Variants in SMOC2 observed in about 807,000 individuals in gnomAD.
SMOC2 encodes the protein SPARC related modular calcium binding 2.
Under a neutral mutation model 61.4 loss-of-function variants are expected in SMOC2, and 39 were observed. That is an observed-to-expected ratio of 0.64 (90% CI 0.49 to 0.83). The LOEUF (loss-of-function observed/expected upper bound fraction) is 0.83, where lower values mean the gene tolerates loss of function less well. Among genes scored for constraint, SMOC2 ranks in the 40% least tolerant of loss-of-function variants. The pLI, the probability that SMOC2 is intolerant of heterozygous loss-of-function variation, is 0.00. For synonymous variants in SMOC2, 247 were observed against 239.9 expected, an observed-to-expected ratio of 1.03 and a Z score of -0.27; for missense variants, 556 against 592.9, an observed-to-expected ratio of 0.94 and a Z score of 0.65.
chr6:168,453,753 C>G lies in SMOC2; in HGVS notation c.84+12299C>G, dbSNP rs182483615. On this transcript the variant is annotated intron_variant, in intron 1 of 12. Transcript: ENST00000356284. The surrounding 1 kb of genome is among the most constrained non-coding windows in gnomAD (Gnocchi z 4.4). ...TCTCTGTCTATCTCTGTCTCTCTGT[C>G]TCCCTCTTTCTCTGTCTCTCTGATT... Among the ~76,000 whole-genome samples the G allele has an allele frequency of 3.1e-3, 472 of 152,012 alleles. No homozygotes were observed. Among genetic ancestry groups the G allele is most frequent in the Non-Finnish European group, 5.0e-3 (341 of 67,992 alleles).
At chr6:168,464,257 A>C (rs1186264746) in intron 1 of SMOC2, among the ~76,000 whole-genome samples, 1 of 151,462 alleles carries the variant, frequency 6.6e-6, no homozygotes, top group Non-Finnish European at 1.5e-5. Context: ...AAAGGAAGGA[A>C]GGACGGACGG....
intron 8 of SMOC2, among the ~76,000 whole-genome samples, chr6:168,604,288 T>C (rs1009488813): frequency 6.6e-6 from 1 of 152,220 alleles, no homozygotes; most frequent in African/African-American, 2.4e-5. Context: ...CATGGATCAT[T>C]GGTCAGAATT....
At chr6:168,627,579 A>G (rs1001250432) in intron 9 of SMOC2, among the ~76,000 whole-genome samples, 9 of 152,228 alleles carry the variant, frequency 5.9e-5, no homozygotes, top group Non-Finnish European at 1.3e-4. Flanking sequence ...TTCAAACAAG[A>G]AATCAATTAT....
At chr6:168,566,364 G>A (rs118082134) in intron 7 of SMOC2, among the ~76,000 whole-genome samples, 2,667 of 151,768 alleles carry the variant, frequency 0.018, 39 homozygotes, top group Non-Finnish European at 0.026. Context: ...CTTGCAATAG[G>A]TTGTCTTTAA....
chr6:168,625,982 C>T (rs1786399341), intron 9 of SMOC2, among the ~76,000 whole-genome samples: 2 of 152,174 alleles, frequency 1.3e-5, no homozygotes, highest in Non-Finnish European at 2.9e-5. Flanking sequence ...ACCTGGCTCC[C>T]CTATTCTGCA....
intron 1 of SMOC2, among the ~76,000 whole-genome samples, chr6:168,472,518 T>A (rs887497775): frequency 5.9e-5 from 9 of 152,150 alleles, no homozygotes; most frequent in Non-Finnish European, 7.4e-5. Context: ...AGACATTTTT[T>A]AAAAAGTATT....
intron 9 of SMOC2, among the ~76,000 whole-genome samples, chr6:168,635,104 C>T (rs895684644): frequency 2.6e-5 from 4 of 152,194 alleles, no homozygotes; most frequent in African/African-American, 7.2e-5. Flanking sequence ...TCTCACGCCT[C>T]GTGAGCACTT....
rs900707676 is a variant in SMOC2 at position 168,475,706 on chromosome 6, T to C, written c.85-34209T>C. 1.3e-5 allele frequency among the ~76,000 whole-genome samples: 2 copies of C among 151,990 alleles called. No homozygotes were observed. Among genetic ancestry groups the C allele is most frequent in the Admixed American group, 6.6e-5 (1 of 15,256 alleles). On this transcript the variant is annotated intron_variant, in intron 1 of 12. Coordinates refer to ENST00000356284, the MANE Select transcript of SMOC2 (RefSeq NM_001166412.2). The surrounding 1 kb of genome is among the most constrained non-coding windows in gnomAD (Gnocchi z 4.6). ...CAGGGAGGCCACGTGTGAGACCTGG[T>C]GTGGGTCGAGGACACTGCTCGGCGT...
intron 9 of SMOC2, among the ~76,000 whole-genome samples, chr6:168,625,357 A>T (rs1275748794): frequency 6.6e-6 from 1 of 152,174 alleles, no homozygotes; most frequent in Non-Finnish European, 1.5e-5. Flanking sequence ...CGATGTGGGA[A>T]CGCTGGAGCA....
At chr6:168,546,108 T>A (rs142960135) in intron 5 of SMOC2, among the ~76,000 whole-genome samples, 1 of 152,158 alleles carries the variant, frequency 6.6e-6, no homozygotes, top group Non-Finnish European at 1.5e-5. Context: ...AAAAGTCTTA[T>A]AAGAAACTTT....
intron 9 of SMOC2, among the ~76,000 whole-genome samples, chr6:168,615,341 G>T (rs1429992110): frequency 2.3e-5 from 1 of 43,230 alleles, no homozygotes. Flanking sequence ...AGCCAGCACA[G>T]GGCCTCTTCA....
chr6:168,521,271 C>T (rs1388517149), intron 2 of SMOC2, among the ~76,000 whole-genome samples: 1 of 152,098 alleles, frequency 6.6e-6, no homozygotes, highest in Non-Finnish European at 1.5e-5. Context: ...GCCTCAGCCT[C>T]CTGAGTAGCT....
intron 4 of SMOC2, among the ~76,000 whole-genome samples, chr6:168,541,634 G>A (rs73258966): frequency 0.031 from 4,677 of 152,150 alleles, 216 homozygotes; most frequent in African/African-American, 0.1. Context: ...ATCCCAAGGT[G>A]GTTAAAAGGT....
rs537411924 is a variant in SMOC2 at position 168,622,188 on chromosome 6, G to A, written c.907+13949G>A. Among the ~76,000 whole-genome samples, 8 of 152,088 alleles carry A rather than the reference G, an allele frequency of 5.3e-5. No homozygotes were observed. In the South Asian group the frequency reaches 1.2e-3, roughly 24 times the overall value. On this transcript the variant is annotated intron_variant, in intron 9 of 12. Coordinates refer to ENST00000356284, the MANE Select transcript of SMOC2 (RefSeq NM_001166412.2). ...TCACCGTGTTAGCCAGGATGGTCTC[G>A]ATCTCCTGACCTCCTGATCCACCCG...
chr6:168,540,175 G>T (rs1267105496), intron 4 of SMOC2, among the ~76,000 whole-genome samples: 1 of 152,228 alleles, frequency 6.6e-6, no homozygotes, highest in Non-Finnish European at 1.5e-5. Context: ...GTCGTTTCCT[G>T]TGGACACGTG....
chr6:168,500,653 G>A (rs1391817689), intron 1 of SMOC2, among the ~76,000 whole-genome samples: 1 of 152,174 alleles, frequency 6.6e-6, no homozygotes, highest in African/African-American at 2.4e-5. Flanking sequence ...CTGCAGCTCT[G>A]GCCAGACACT....
At chr6:168,559,475 A>AAAAATAAAAAT (rs1554240104) in intron 7 of SMOC2, among the ~76,000 whole-genome samples, 23 of 150,128 alleles carry the variant, frequency 1.5e-4, no homozygotes, top group African/African-American at 4.4e-4. Context: ...AAATAAAAAT[A>AAAAATAAAAAT]AAAATAAAAT....
chr6:168,465,767 G>T (rs1228896042), intron 1 of SMOC2, among the ~76,000 whole-genome samples: 1 of 142,488 alleles, frequency 7.0e-6, no homozygotes, highest in Non-Finnish European at 1.5e-5. Flanking sequence ...ATGAAGCGAG[G>T]TGCTGCTCTG....
chr6:168,470,969 A>T (rs1781956292), intron 1 of SMOC2, among the ~76,000 whole-genome samples: 1 of 152,222 alleles, frequency 6.6e-6, no homozygotes, highest in South Asian at 2.1e-4. Flanking sequence ...AGGAATATCA[A>T]ATGTGAGATG....
Sources: allele counts gnomAD v4.1 joint callset (sites outside exome capture counted in the v4.1 genomes callset), GRCh38; gene constraint gnomAD v4.1.1; non-coding constraint Gnocchi (gnomAD v3.1); transcripts MANE v1.5; gene names NCBI Gene and HGNC (gene_info 2026-07-23, HGNC 2026-07-21).